The following CCDC40 variants were observed in gnomAD, a reference collection of about 807,000 sequenced individuals.
CCDC40 encodes coiled-coil domain-containing protein 40.
A neutral mutation model predicts 124.5 loss-of-function variants in CCDC40; 104 were observed. The ratio of observed to expected loss-of-function variants is 0.84; its 90% CI spans 0.71 to 0.98. The LOEUF is 0.98. Among genes scored for constraint, CCDC40 ranks in the 50% least tolerant of loss-of-function variants. The pLI is 0.00. For missense variants in CCDC40, 1,463 were observed against 1,503.9 expected (o/e 0.97, Z 0.45); for synonymous variants, 580 against 602.9 (o/e 0.96, Z 0.56).
chr17:80,050,203 G>C lies in CCDC40; in HGVS notation c.1079G>C (p.Arg360Thr). The change falls in exon 7 of 20, where the codon AGG (arginine) becomes ACG (threonine). Residue 360 changes from arginine to threonine, a missense_variant. Coordinates refer to ENST00000397545, the MANE Select transcript of CCDC40 (RefSeq NM_017950.4). ...CACGCAATGGCCTCGAGCGAGCGCA[G>C]GCAGAAGGAGGAGGAGCTGCAGGCC... is the stretch of plus-strand genomic sequence containing the variant. Reference protein sequence around the residue: ...DRHAMASSERRQKEEELQAAR... With the variant: ...DRHAMASSERTQKEEELQAAR... 6.2e-7 allele frequency: 1 copy of C among 1,610,830 alleles called. No homozygotes were observed. The highest frequency in any genetic ancestry group is 2.2e-5 in the East Asian group (1 of 44,788).
At position 80,060,633 on chromosome 17, in the gene CCDC40, A is replaced by G. The variant is rs150543706; in HGVS notation, c.1440+1653A>G. On this transcript the variant is annotated intron_variant, in intron 9 of 19. Coordinates refer to ENST00000397545, the MANE Select transcript of CCDC40 (RefSeq NM_017950.4). ...AGATCCTTGAACTATGAAAGATCCA[A>G]TGAAATATGATCATACCACTGCACT... 7.6e-4 allele frequency among the ~76,000 whole-genome samples: 116 copies of G among 152,342 alleles called. 1 individual carries two copies. The highest frequency in any genetic ancestry group is 3.7e-3 in the East Asian group (19 of 5,186).
rs1598541280 is a variant in CCDC40 at position 80,086,422 on chromosome 17, G to T, written c.2449+206G>T. The T allele has an allele frequency of 2.6e-5, 15 of 571,862 alleles. No individual in the cohort carries two copies. The East Asian group carries it at 4.6e-4, about 17-fold the overall frequency. The allele number at this position is 571,862 out of a possible 1,614,324, so 35.4% of individuals were successfully genotyped here. On this transcript the variant is annotated intron_variant, in intron 14 of 19. Coordinates refer to ENST00000397545, the MANE Select transcript of CCDC40 (RefSeq NM_017950.4). This position sits in a 1 kb window ranked among gnomAD's most constrained non-coding sequence, Gnocchi z 5.5. ...CCCAGTTCGCAGTCACAGCGGGAGGGTTGAGAAATGTCACGAAATGGCTCC... is the reference window on the plus strand; with the variant it reads ...CCCAGTTCGCAGTCACAGCGGGAGGTTTGAGAAATGTCACGAAATGGCTCC...
At chr17:80,047,470 G>A in intron 4 of CCDC40, 68 bp downstream of exon 4, 1 of 1,534,772 alleles carries the variant, frequency 6.5e-7, no homozygotes, top group East Asian at 2.3e-5. Flanking sequence ...TTCTGTGCAA[G>A]GGATGCCACT....
Position 80,090,546 on chromosome 17 carries a change from G to A in CCDC40, c.2832+662G>A, listed in dbSNP as rs1443428317. The A allele has an allele frequency of 4.0e-6, 6 of 1,514,650 alleles. No individual in the cohort carries two copies. The East Asian group carries it at 1.5e-4, about 37-fold the overall frequency. The allele number at this position is 1,514,650 out of a possible 1,614,324, so 93.8% of individuals were successfully genotyped here. ...TACTCCATGTAATCACAGCACGCTGGTATTTTTAAATGCCGGTTGTAACCC... is the reference window on the plus strand; with the variant it reads ...TACTCCATGTAATCACAGCACGCTGATATTTTTAAATGCCGGTTGTAACCC... On this transcript the variant is annotated intron_variant, in intron 17 of 19. Transcript: ENST00000397545.
chr17:80,089,283 C>T (rs571069500), intron 16 of CCDC40, among the ~76,000 whole-genome samples: 3 of 152,322 alleles, frequency 2.0e-5, no homozygotes, highest in African/African-American at 7.2e-5. Flanking sequence ...GTCCTTTCTT[C>T]AGCGTGCTCC....
At chr17:80,083,831 C>CT (rs1287187461) in intron 12 of CCDC40, among the ~76,000 whole-genome samples, 2 of 152,252 alleles carry the variant, frequency 1.3e-5, no homozygotes, top group Non-Finnish European at 2.9e-5. Context: ...GAACCAGTGT[C>CT]TAACAATTGC....
chr17:80,066,450 A>C lies in CCDC40; in HGVS notation c.1562+844A>C. 2.1e-6 allele frequency: 1 copy of C among 476,052 alleles called. No individual in the cohort carries two copies. The highest frequency in any genetic ancestry group is 3.8e-6 in the Non-Finnish European group (1 of 263,996). The allele number at this position is 476,052 out of a possible 1,614,324, so 29.5% of individuals were successfully genotyped here. On this transcript the variant is annotated intron_variant, in intron 10 of 19. Transcript: ENST00000397545. The surrounding 1 kb of genome is among the most constrained non-coding windows in gnomAD (Gnocchi z 4.4). ...AGACCAAAACATTTTCAAATGAATA[A>C]TATTGGATTAACCATACTCATTTCT...
At chr17:80,090,220 A>T in intron 17 of CCDC40, 3 of 879,878 alleles carry the variant, frequency 3.4e-6, no homozygotes, top group East Asian at 3.2e-5. Context: ...CACGAAGAAC[A>T]CGGGACGCGC....
chr17:80,090,042 C>CCGCTCCAGCAGAGTGACCTG, intron 17 of CCDC40, 158 bp downstream of exon 17: 1 of 1,534,264 alleles, frequency 6.5e-7, no homozygotes, highest in Non-Finnish European at 8.8e-7. Flanking sequence ...AGGGAGCGAC[C>CCGCTCCAGCAGAGTGACCTG]CGCTCCAGCA....
Position 80,086,897 on chromosome 17 carries a change from G to A in CCDC40, c.2449+681G>A, listed in dbSNP as rs537131346. 5 of 160,532 alleles carry A rather than the reference G, an allele frequency of 3.1e-5. No homozygotes were observed. The highest frequency in any genetic ancestry group is 1.2e-4 in the African/African-American group (5 of 41,604). 9.9% of individuals were successfully genotyped at this position (160,532 alleles called of 1,614,324 possible). A position where few individuals can be genotyped will look rare whatever the true frequency, so the allele number is the denominator to read the frequency against. On this transcript the variant is annotated intron_variant, in intron 14 of 19. Transcript: ENST00000397545. This position sits in a 1 kb window ranked among gnomAD's most constrained non-coding sequence, Gnocchi z 5.5. ...TTGGGTTGCCCAAACCCGTCTGTTG[G>A]TGAGTAGCAAGTCCCAAAAGACCCT...
At chr17:80,039,510 T>C (rs113467013) in intron 2 of CCDC40, among the ~76,000 whole-genome samples, 16,238 of 151,556 alleles carry the variant, frequency 0.11, 2,775 homozygotes, top group African/African-American at 0.36. Context: ...CTTCCGAGTT[T>C]AAGCAATTCT....
chr17:80,097,927 AAAGAAAAGAAAAGAAAAG>A (rs2038840803), intron 19 of CCDC40: 1 of 87,884 alleles, frequency 1.1e-5, no homozygotes, highest in Non-Finnish European at 2.0e-5. Flanking sequence ...AAAGAAAAGA[AAAGAAAAGAAAAGAAAAG>A]AAAAGAAAAA....
Position 80,087,391 on chromosome 17 carries a change from G to A in CCDC40, c.2450-216G>A. 1.7e-6 allele frequency: 1 copy of A among 593,648 alleles called. No homozygotes were observed. Among genetic ancestry groups the A allele is most frequent in the Non-Finnish European group, 3.0e-6 (1 of 331,538 alleles). The allele number at this position is 593,648 out of a possible 1,614,324, so 36.8% of individuals were successfully genotyped here. A position where few individuals can be genotyped will look rare whatever the true frequency, so the allele number is the denominator to read the frequency against. On this transcript the variant is annotated intron_variant, in intron 14 of 19. Transcript: ENST00000397545. This position sits in a 1 kb window ranked among gnomAD's most constrained non-coding sequence, Gnocchi z 4.5. ...GTTCCGTTGGAGGACCAGGCTTTGG[G>A]AGCTTAGCAGCCAAAAAGAGACCCC...
chr17:80,078,886 A>G (rs937708524), intron 10 of CCDC40, among the ~76,000 whole-genome samples: 1 of 152,046 alleles, frequency 6.6e-6, no homozygotes, highest in African/African-American at 2.4e-5. Context: ...TAATAATATT[A>G]AATCTTCTGC....
At chr17:80,073,754 G>C (rs1344994275) in intron 10 of CCDC40, among the ~76,000 whole-genome samples, 1 of 151,976 alleles carries the variant, frequency 6.6e-6, no homozygotes, top group Non-Finnish European at 1.5e-5. Context: ...GGAGGGCAGT[G>C]GCACGATCTT....
chr17:80,058,547 C>G lies in CCDC40; in HGVS notation c.1213C>G (p.Gln405Glu). The G allele has an allele frequency of 6.2e-7, 1 of 1,614,122 alleles. No individual in the cohort carries two copies. The highest frequency in any genetic ancestry group is 8.5e-7 in the Non-Finnish European group (1 of 1,179,972). The change falls in exon 8 of 20, where the codon CAG becomes GAG. Residue 405 changes from glutamine to glutamate, a missense_variant. Coordinates refer to ENST00000397545, the MANE Select transcript of CCDC40 (RefSeq NM_017950.4). The surrounding 1 kb of genome is among the most constrained non-coding windows in gnomAD (Gnocchi z 4.2). ...ENLALHLFYM[Q>E]NIDQDMRDDI... is the part of the protein sequence containing the mutation. ...CTTGGCCCTGCATCTCTTCTACATG[C>G]AGAACATCGACCAGGACATGCGTGA...
chr17:80,098,155 C>T (rs149482877), intron 19 of CCDC40, among the ~76,000 whole-genome samples: 1 of 152,144 alleles, frequency 6.6e-6, no homozygotes, highest in South Asian at 2.1e-4. Context: ...CAGGACAGCC[C>T]GGCAAGGCAG....
At chr17:80,061,234 T>C (rs1483156353) in intron 9 of CCDC40, among the ~76,000 whole-genome samples, 1 of 152,122 alleles carries the variant, frequency 6.6e-6, no homozygotes, top group African/African-American at 2.4e-5. Flanking sequence ...TAATGCCAGC[T>C]ACTTGGGAGG....
In CCDC40 at chr17:80,094,246, T is replaced by C. The variant is rs1382087831; in HGVS notation, c.2833-1017T>C. ...CACCACGGTGAAACCCTGTCTCTAC[T>C]GAAAAAAAAAAAAAAAATAGCCAGG... On this transcript the variant is annotated intron_variant, in intron 17 of 19. Coordinates refer to ENST00000397545, the MANE Select transcript of CCDC40 (RefSeq NM_017950.4). Among the ~76,000 whole-genome samples, 3 of 97,898 alleles carry C rather than the reference T, an allele frequency of 3.1e-5. No homozygotes were observed. In the Admixed American group the frequency reaches 3.1e-4, roughly 10 times the overall value. The allele number at this position is 97,898 out of a possible 152,430, so 64.2% of individuals were successfully genotyped here. A position where few individuals can be genotyped will look rare whatever the true frequency, so the allele number is the denominator to read the frequency against.
Sources: gnomAD v4.1 joint callset for allele counts (sites outside exome capture counted in the v4.1 genomes callset) on GRCh38, gnomAD v4.1.1 for gene constraint, Gnocchi (gnomAD v3.1) non-coding constraint, MANE v1.5 for transcripts, NCBI Gene and HGNC (gene_info 2026-07-23, HGNC 2026-07-21) for gene names.